ANKHD1: variants seen among roughly 807,000 people sequenced by gnomAD.
ANKHD1 encodes the protein ankyrin repeat and KH domain containing 1, also known as ankyrin repeat and KH domain-containing protein 1.
ANKHD1 carries 31 observed loss-of-function variants against 230.5 expected under a neutral mutation model. The ratio of observed to expected loss-of-function variants is 0.13; its 90% CI spans 0.10 to 0.18. The LOEUF (loss-of-function observed/expected upper bound fraction) is 0.18. Among genes scored for constraint, ANKHD1 ranks in the 10% least tolerant of loss-of-function variants. The pLI is 1.00. For missense variants in ANKHD1, 2,256 were observed against 3,071.3 expected (o/e 0.73, Z 6.27); for synonymous variants, 1,074 against 1,117.6 (o/e 0.96, Z 0.78).
chr5:140,528,585 CCTT>C lies in ANKHD1; in HGVS notation c.5642_5644del (p.Phe1881del), dbSNP rs761732187. The stretch of plus-strand genomic sequence containing the variant: ...TTACCCATGGCCCAGTTTGGAGGAA[CCTT>C]CTCACCTTCTCCTAACACATGGGGA... On this transcript the variant is annotated inframe_deletion, in exon 29 of 34. Transcript: ENST00000360839. 1 of 1,614,172 alleles carries C rather than the reference CCTT, an allele frequency of 6.2e-7. No individual in the cohort carries two copies. The highest frequency in any genetic ancestry group is 8.5e-7 in the Non-Finnish European group (1 of 1,180,038).
At chr5:140,518,638 G>A (rs1423670128) in intron 24 of ANKHD1, among the ~76,000 whole-genome samples, 5 of 152,064 alleles carry the variant, frequency 3.3e-5, no homozygotes, top group African/African-American at 7.2e-5. Context: ...TTCAGTATAC[G>A]CAAATCAATA....
At chr5:140,444,647 A>T (rs115248262) in intron 5 of ANKHD1, among the ~76,000 whole-genome samples, 2 of 152,150 alleles carry the variant, frequency 1.3e-5, no homozygotes, top group East Asian at 1.9e-4. Flanking sequence ...GCTGCTTTTT[A>T]AAAAAACAAA....
At chr5:140,448,663 T>C (rs1774470221) in intron 6 of ANKHD1, among the ~76,000 whole-genome samples, 1 of 152,246 alleles carries the variant, frequency 6.6e-6, no homozygotes, top group Non-Finnish European at 1.5e-5. Flanking sequence ...ATCAGTTTAA[T>C]ATTCACTTGC....
chr5:140,528,969 C>T lies in ANKHD1; in HGVS notation c.6023C>T (p.Thr2008Ile). 1 of 1,614,222 alleles carries T rather than the reference C, an allele frequency of 6.2e-7. No homozygotes were observed. Among genetic ancestry groups the T allele is most frequent in the South Asian group, 1.1e-5 (1 of 91,090 alleles). Residue 2008 changes from threonine to isoleucine, a missense_variant, in exon 29 of 34, where the codon ACT (threonine) becomes ATT (isoleucine). Transcript: ENST00000360839. ...CCCACCACATTTCTACCTGCAAGTA[C>T]TTCTCAAGCACAGCTTTCTTCACAA... is the stretch of plus-strand genomic sequence containing the variant. ...QAPTTFLPASTSQAQLSSQKM... is the reference protein window; with the variant it reads ...QAPTTFLPASISQAQLSSQKM...
intron 10 of ANKHD1, among the ~76,000 whole-genome samples, chr5:140,466,580 A>T (rs1201732070): frequency 6.6e-6 from 1 of 152,192 alleles, no homozygotes; most frequent in Non-Finnish European, 1.5e-5. Context: ...CCTTAGAAGA[A>T]CTACATTAAT....
At chr5:140,476,421 T>G (rs576760809) in intron 10 of ANKHD1, among the ~76,000 whole-genome samples, 4 of 152,156 alleles carry the variant, frequency 2.6e-5, no homozygotes, top group African/African-American at 9.6e-5. Context: ...CTGTGGAACT[T>G]TAAGGATAAT....
At chr5:140,428,513 G>A (rs1772739160) in intron 1 of ANKHD1, among the ~76,000 whole-genome samples, 1 of 152,354 alleles carries the variant, frequency 6.6e-6, no homozygotes, top group South Asian at 2.1e-4. Context: ...GCGCACGCCT[G>A]CAATCGCAGG....
intron 20 of ANKHD1, among the ~76,000 whole-genome samples, chr5:140,509,325 T>A (rs1477671447): frequency 6.6e-6 from 1 of 152,238 alleles, no homozygotes; most frequent in Non-Finnish European, 1.5e-5. Context: ...ATTTTTAATA[T>A]CTCTATTCAT....
At position 140,426,797 on chromosome 5, in the gene ANKHD1, G is replaced by T. The variant is rs1243177345; in HGVS notation, c.307-9307G>T. Among the ~76,000 whole-genome samples the T allele has an allele frequency of 2.0e-5, 3 of 152,148 alleles. 1 individual carries two copies. Among genetic ancestry groups the T allele is most frequent in the African/African-American group, 7.2e-5 (3 of 41,428 alleles). ...CCCTTAATCCATTCAACCCTGAGTG[G>T]ATACAGCACATGTTTCAGAGAGCAT... is the stretch of plus-strand genomic sequence containing the variant. On this transcript the variant is annotated intron_variant, in intron 1 of 33. Coordinates refer to ENST00000360839, the MANE Select transcript of ANKHD1 (RefSeq NM_017747.3).
chr5:140,453,652 C>G (rs1041318926), intron 7 of ANKHD1, among the ~76,000 whole-genome samples: 10 of 152,154 alleles, frequency 6.6e-5, no homozygotes, highest in African/African-American at 2.2e-4. Flanking sequence ...CCTTTACAGA[C>G]AAGCAAATGC....
intron 14 of ANKHD1, among the ~76,000 whole-genome samples, chr5:140,489,552 G>A (rs1253746415): frequency 6.6e-6 from 1 of 152,106 alleles, no homozygotes; most frequent in Non-Finnish European, 1.5e-5. Flanking sequence ...TAGAGTGTAT[G>A]CCAAGAGGAA....
intron 1 of ANKHD1, among the ~76,000 whole-genome samples, chr5:140,424,628 T>G (rs915258486): frequency 6.6e-6 from 1 of 152,210 alleles, no homozygotes; most frequent in African/African-American, 2.4e-5. Context: ...ATCCTTTACC[T>G]AAGAAATGGG....
At chr5:140,438,353 C>T in intron 2 of ANKHD1, 108 bp from the exon 3 acceptor site, 1 of 1,396,754 alleles carries the variant, frequency 7.2e-7, no homozygotes, top group Non-Finnish European at 9.4e-7. Context: ...GATTCTATAC[C>T]ATTTCTTTTT....
intron 7 of ANKHD1, among the ~76,000 whole-genome samples, chr5:140,454,251 C>T (rs1386400203): frequency 6.6e-6 from 1 of 152,104 alleles, no homozygotes; most frequent in Non-Finnish European, 1.5e-5. Context: ...GACTCCCACA[C>T]AATAATAATG....
intron 29 of ANKHD1, among the ~76,000 whole-genome samples, chr5:140,533,821 A>G (rs1753953472): frequency 1.3e-5 from 2 of 150,956 alleles, no homozygotes; most frequent in Admixed American, 1.3e-4. Context: ...TATAGAAATG[A>G]TTCATTTCAA....
intron 30 of ANKHD1, chr5:140,535,829 A>G (rs1132668): frequency 5.3e-6 from 1 of 186,990 alleles, no homozygotes; most frequent in Non-Finnish European, 1.1e-5. Flanking sequence ...GGCCTAGGCA[A>G]GAGGATCGCT....
At chr5:140,449,115 C>T in intron 6 of ANKHD1, 96 bp from the exon 7 acceptor site, 1 of 1,241,780 alleles carries the variant, frequency 8.1e-7, no homozygotes, top group Non-Finnish European at 1.1e-6. Context: ...TTATCAAATT[C>T]TTGTATAGAC....
chr5:140,464,617 A>G, intron 9 of ANKHD1, 50 bp from the exon 10 acceptor site: 1 of 1,454,382 alleles, frequency 6.9e-7, no homozygotes, highest in Non-Finnish European at 9.2e-7. Flanking sequence ...TGGACTATCT[A>G]ATACAATTTT....
intron 16 of ANKHD1, 33 bp downstream of exon 16, chr5:140,504,999 C>A: frequency 6.2e-7 from 1 of 1,611,494 alleles, no homozygotes; most frequent in Non-Finnish European, 8.5e-7. Context: ...ACTTATTTTG[C>A]ACATTCTGAT....
Sources: allele counts gnomAD v4.1 joint callset (sites outside exome capture counted in the v4.1 genomes callset), GRCh38; gene constraint gnomAD v4.1.1; transcripts MANE v1.5; gene names NCBI Gene and HGNC (gene_info 2026-07-23, HGNC 2026-07-21).